The following CDH8 variants were observed in gnomAD, a reference collection of about 807,000 sequenced individuals.
The protein encoded by CDH8 is cadherin 8, also known as cadherin-8.
In CDH8, 17 loss-of-function variants were observed where a neutral mutation model predicts 68.1. The observed-to-expected ratio is 0.25, with a 90% CI of 0.17 to 0.37. The LOEUF (loss-of-function observed/expected upper bound fraction) is 0.37, where lower values mean the gene tolerates loss of function less well. Ranked by LOEUF, CDH8 falls within the 10% of genes least tolerant of loss-of-function variation. The pLI is 1.00. For missense variants in CDH8, 763 were observed against 999.3 expected (o/e 0.76, Z 3.19); for synonymous variants, 372 against 365.1 (o/e 1.02, Z -0.21).
chr16:61,817,912 G>A, intron 6 of CDH8, 180 bp from the exon 7 acceptor site: 1 of 528,964 alleles, frequency 1.9e-6, no homozygotes, highest in Non-Finnish European at 3.3e-6. Flanking sequence ...ATTTATGTCT[G>A]TTTATTATAT....
At chr16:61,876,854 C>G (rs1963472360) in intron 3 of CDH8, among the ~76,000 whole-genome samples, 1 of 152,058 alleles carries the variant, frequency 6.6e-6, no homozygotes, top group African/African-American at 2.4e-5. Flanking sequence ...GTATACGGAT[C>G]AGCATATGTG....
intron 2 of CDH8, among the ~76,000 whole-genome samples, chr16:61,953,787 T>A (rs1020541002): frequency 2.0e-5 from 3 of 150,826 alleles, no homozygotes; most frequent in Admixed American, 2.0e-4. Context: ...GAGAATCGCT[T>A]GAGCCCAAGT....
At chr16:62,008,031 C>G (rs184905361) in intron 2 of CDH8, among the ~76,000 whole-genome samples, 1 of 152,100 alleles carries the variant, frequency 6.6e-6, no homozygotes, top group Non-Finnish European at 1.5e-5. Context: ...CAGCTCATTG[C>G]AGCCTTGATT....
At chr16:61,933,993 C>A (rs929446145) in intron 2 of CDH8, 11 of 152,272 alleles carry the variant, frequency 7.2e-5, no homozygotes, top group African/African-American at 2.6e-4. Context: ...GGTCAGAAAT[C>A]ATCTGCTATA....
chr16:61,976,779 G>A (rs142180094), intron 2 of CDH8, among the ~76,000 whole-genome samples: 110 of 152,290 alleles, frequency 7.2e-4, no homozygotes, highest in African/African-American at 2.5e-3. Flanking sequence ...GACACTAATT[G>A]CAAATCAAAG....
At chr16:61,668,404 T>TAG (rs1384321265) in intron 10 of CDH8, among the ~76,000 whole-genome samples, 1 of 151,942 alleles carries the variant, frequency 6.6e-6, no homozygotes, top group Admixed American at 6.6e-5. Context: ...GATCCCTTAA[T>TAG]GCTCAGAGGA....
At chr16:61,884,696 T>C (rs147427201) in intron 3 of CDH8, among the ~76,000 whole-genome samples, 18 of 152,258 alleles carry the variant, frequency 1.2e-4, no homozygotes, top group East Asian at 9.7e-4. Flanking sequence ...CTTGACAACA[T>C]TGCCTTCTAT....
Position 61,655,678 on chromosome 16 carries a change from G to A in CDH8, c.1698C>T (p.Arg566=), listed in dbSNP as rs1383034693. ...GTAAAAGATAGACTTCTTGCTTCTG[G>A]CGGTTGAATCCATTATGCTTTGCCA... ...SILAKHNGFN[R]QKQEVYLLPI... The change falls in exon 11 of 12, where the codon CGC becomes CGT. Residue 566 remains arginine, a synonymous_variant. Transcript: ENST00000577390. 7 of 1,613,874 alleles carry A rather than the reference G, an allele frequency of 4.3e-6. No homozygotes were observed. In the Admixed American group the frequency reaches 5.0e-5, roughly 12 times the overall value.
At chr16:61,762,503 A>T (rs1236821687) in intron 8 of CDH8, among the ~76,000 whole-genome samples, 1 of 152,170 alleles carries the variant, frequency 6.6e-6, no homozygotes, top group Non-Finnish European at 1.5e-5. Context: ...AAGTTTCCAG[A>T]TAGGGAAGGA....
rs1382907596 is a variant in CDH8 at position 61,992,070 on chromosome 16, G to GTT, written c.252+29081_252+29082insAA. Among the ~76,000 whole-genome samples the GTT allele has an allele frequency of 5.6e-3, 760 of 136,136 alleles. 9 individuals are homozygous for GTT. Among genetic ancestry groups the GTT allele is most frequent in the African/African-American group, 0.018 (681 of 38,686 alleles). The allele number at this position is 136,136 out of a possible 152,430, so 89.3% of individuals were successfully genotyped here. ...AATCTTTGTGTGTGTGTGTGTGTGTGTGTGTGTGAGAGAGAGAGAGAGATT... is the reference window on the plus strand; with the variant it reads ...AATCTTTGTGTGTGTGTGTGTGTGTGTTTGTGTGTGAGAGAGAGAGAGAGATT... On this transcript the variant is annotated intron_variant, in intron 2 of 11. Coordinates refer to ENST00000577390, the MANE Select transcript of CDH8 (RefSeq NM_001796.5).
At chr16:61,707,778 A>G (rs1964561057) in intron 10 of CDH8, among the ~76,000 whole-genome samples, 1 of 152,158 alleles carries the variant, frequency 6.6e-6, no homozygotes, top group African/African-American at 2.4e-5. Flanking sequence ...GAATTTGCAC[A>G]GACTGACAGA....
At chr16:61,958,725 T>C (rs1029488644) in intron 2 of CDH8, among the ~76,000 whole-genome samples, 5 of 152,200 alleles carry the variant, frequency 3.3e-5, no homozygotes, top group African/African-American at 1.2e-4. Context: ...GAGTGTCATA[T>C]AATACTCAAT....
chr16:61,980,675 G>A (rs1488455566), intron 2 of CDH8, among the ~76,000 whole-genome samples: 1 of 152,132 alleles, frequency 6.6e-6, no homozygotes, highest in African/African-American at 2.4e-5. Context: ...AATGTAAAAA[G>A]TTGAGTAGAT....
intron 10 of CDH8, among the ~76,000 whole-genome samples, chr16:61,707,357 A>C (rs1323623841): frequency 6.6e-6 from 1 of 152,212 alleles, no homozygotes; most frequent in African/African-American, 2.4e-5. Context: ...TTATACAGAC[A>C]AATGTTCAAG....
chr16:61,745,152 A>G (rs984278948), intron 8 of CDH8, among the ~76,000 whole-genome samples: 1 of 151,072 alleles, frequency 6.6e-6, no homozygotes. Context: ...TTCTCTTGAT[A>G]TAATATTTTG....
In CDH8 at chr16:61,652,141, G is replaced by A; in HGVS notation, c.*1467C>T. Reference sequence around the variant, plus strand: ...TTAAAATGATCTGCATGTAATACTTGAGTTTTATCATACATTTTCTACTCC... The same window carrying A: ...TTAAAATGATCTGCATGTAATACTTAAGTTTTATCATACATTTTCTACTCC... On this transcript the variant is annotated 3_prime_UTR_variant, in exon 12 of 12. Transcript: ENST00000577390. The A allele has an allele frequency of 1.0e-6, 1 of 978,006 alleles. No homozygotes were observed. The highest frequency in any genetic ancestry group is 1.2e-6 in the Non-Finnish European group (1 of 823,218). 60.6% of individuals were successfully genotyped at this position (978,006 alleles called of 1,614,324 possible).
chr16:61,710,014 A>G (rs1464468044), intron 10 of CDH8, among the ~76,000 whole-genome samples: 1 of 152,120 alleles, frequency 6.6e-6, no homozygotes, highest in Non-Finnish European at 1.5e-5. Flanking sequence ...CTTCAAAGAG[A>G]CCTGGCTGAG....
rs1464293901 is a variant in CDH8, at chr16:61,650,287, T to C, written c.*3321A>G. 1 of 151,994 alleles carries C rather than the reference T, an allele frequency of 6.6e-6. No homozygotes were observed. The highest frequency in any genetic ancestry group is 1.5e-5 in the Non-Finnish European group (1 of 67,984). The allele number at this position is 151,994 out of a possible 1,614,324, so 9.4% of individuals were successfully genotyped here. On this transcript the variant is annotated 3_prime_UTR_variant, in exon 12 of 12. Transcript: ENST00000577390. ...TGATTTGATCAAATCATAGGCAGAGTAGAGGCTGAATTGATCCCATGTTGT... is the reference window on the plus strand; with the variant it reads ...TGATTTGATCAAATCATAGGCAGAGCAGAGGCTGAATTGATCCCATGTTGT...
At chr16:61,679,360 T>A (rs912069723) in intron 10 of CDH8, among the ~76,000 whole-genome samples, 1 of 152,088 alleles carries the variant, frequency 6.6e-6, no homozygotes, top group African/African-American at 2.4e-5. Flanking sequence ...TCTGTAATTA[T>A]AATTAATTAT....
Sources: allele counts gnomAD v4.1 joint callset (sites outside exome capture counted in the v4.1 genomes callset), GRCh38; gene constraint gnomAD v4.1.1; transcripts MANE v1.5; gene names NCBI Gene and HGNC (gene_info 2026-07-23, HGNC 2026-07-21).